UBXN2A: variants seen among roughly 807,000 people sequenced by gnomAD.
UBXN2A encodes UBX domain-containing protein 2A.
UBXN2A carries 28 observed loss-of-function variants against 28.4 expected under a neutral mutation model. That is an observed-to-expected ratio of 0.99 (90% confidence interval 0.73 to 1.35). The LOEUF (loss-of-function observed/expected upper bound fraction) is 1.35. Ranked by LOEUF, UBXN2A falls within the 40% of genes most tolerant of loss-of-function variation. UBXN2A has a pLI of 0.00. For missense variants in UBXN2A, 253 were observed against 297.9 expected (o/e 0.85, Z 1.11); for synonymous variants, 97 against 103.6 (o/e 0.94, Z 0.39).
intron 4 of UBXN2A, among the ~76,000 whole-genome samples, chr2:23,981,854 C>G (rs1318321727): frequency 6.6e-6 from 1 of 152,088 alleles, no homozygotes; most frequent in Non-Finnish European, 1.5e-5. Flanking sequence ...CACCACTGCA[C>G]TCCAGCCTGG....
intron 2 of UBXN2A, among the ~76,000 whole-genome samples, chr2:23,968,712 G>C (rs1054156698): frequency 6.7e-6 from 1 of 150,258 alleles, no homozygotes; most frequent in African/African-American, 2.4e-5. Flanking sequence ...TATATTTCCT[G>C]GCACAGTATA....
At chr2:23,988,572 A>G (rs1304663625) in intron 6 of UBXN2A, among the ~76,000 whole-genome samples, 1 of 152,212 alleles carries the variant, frequency 6.6e-6, no homozygotes, top group Non-Finnish European at 1.5e-5. Flanking sequence ...GTATTCCAAC[A>G]GGTGGCATCA....
At chr2:23,978,445 C>A (rs1230078627) in intron 4 of UBXN2A, among the ~76,000 whole-genome samples, 2 of 151,834 alleles carry the variant, frequency 1.3e-5, no homozygotes, top group African/African-American at 4.8e-5. Flanking sequence ...AGATCGAGAC[C>A]ATCCTGGCTA....
At chr2:23,980,134 C>T (rs902310160) in intron 4 of UBXN2A, among the ~76,000 whole-genome samples, 3 of 152,156 alleles carry the variant, frequency 2.0e-5, no homozygotes, top group Non-Finnish European at 4.4e-5. Flanking sequence ...CCATTTTCCC[C>T]TGCAGCCCTA....
chr2:23,962,043 C>T (rs769479259), intron 2 of UBXN2A, among the ~76,000 whole-genome samples: 43 of 152,020 alleles, frequency 2.8e-4, no homozygotes, highest in Non-Finnish European at 5.9e-4. Context: ...TGGGGTTTCA[C>T]CATGTTGTCC....
At chr2:23,962,856 C>T (rs964222696) in intron 2 of UBXN2A, among the ~76,000 whole-genome samples, 2 of 152,040 alleles carry the variant, frequency 1.3e-5, no homozygotes, top group South Asian at 2.1e-4. Context: ...GTGATCCACC[C>T]GCCTTGGCAT....
chr2:23,991,045 T>G (rs1708333862), intron 6 of UBXN2A, among the ~76,000 whole-genome samples: 1 of 152,202 alleles, frequency 6.6e-6, no homozygotes, highest in Non-Finnish European at 1.5e-5. Flanking sequence ...ATTTCTGAAA[T>G]AGATGCCTCC....
chr2:23,981,249 A>T (rs1377474170), intron 4 of UBXN2A, among the ~76,000 whole-genome samples: 1 of 145,072 alleles, frequency 6.9e-6, no homozygotes, highest in Non-Finnish European at 1.5e-5. Context: ...CAGGAGGATC[A>T]TTTGATCCCA....
At chr2:23,981,686 G>A (rs940333074) in intron 4 of UBXN2A, among the ~76,000 whole-genome samples, 1 of 151,476 alleles carries the variant, frequency 6.6e-6, no homozygotes, top group Non-Finnish European at 1.5e-5. Flanking sequence ...TTGAGCCTAG[G>A]AGCTCAGGAC....
At chr2:23,952,778 T>C (rs1706437524) in intron 1 of UBXN2A, among the ~76,000 whole-genome samples, 1 of 152,138 alleles carries the variant, frequency 6.6e-6, no homozygotes, top group African/African-American at 2.4e-5. Flanking sequence ...GGGGTCTGGC[T>C]ATGTTGCCCA....
intron 6 of UBXN2A, among the ~76,000 whole-genome samples, chr2:23,992,869 A>G (rs1708402435): frequency 6.6e-6 from 1 of 152,212 alleles, no homozygotes; most frequent in East Asian, 1.9e-4. Flanking sequence ...GTGTGTATTT[A>G]AAACTATCTC....
At chr2:23,948,202 G>A (rs1286100917) in intron 1 of UBXN2A, among the ~76,000 whole-genome samples, 2 of 150,696 alleles carry the variant, frequency 1.3e-5, no homozygotes, top group Admixed American at 6.6e-5. Context: ...TCATAATCAT[G>A]TCAAAATTAG....
intron 3 of UBXN2A, 101 bp from the exon 4 acceptor site, chr2:23,976,868 A>C: frequency 1.1e-6 from 1 of 934,878 alleles, no homozygotes; most frequent in South Asian, 1.6e-5. Context: ...GGAGTGAACC[A>C]CCCCACCCGG....
At chr2:23,975,947 C>A (rs1707644569) in intron 3 of UBXN2A, among the ~76,000 whole-genome samples, 1 of 152,196 alleles carries the variant, frequency 6.6e-6, no homozygotes, top group African/African-American at 2.4e-5. Context: ...CCAGAGGCAA[C>A]AGCTTATAAC....
intron 1 of UBXN2A, among the ~76,000 whole-genome samples, chr2:23,942,176 A>G (rs1247546595): frequency 6.6e-6 from 1 of 152,212 alleles, no homozygotes; most frequent in Non-Finnish European, 1.5e-5. Context: ...AGAGAAGGTA[A>G]CAGGGGGACT....
intron 4 of UBXN2A, among the ~76,000 whole-genome samples, chr2:23,979,928 G>GT (rs1281066404): frequency 6.7e-6 from 1 of 149,216 alleles, no homozygotes; most frequent in Non-Finnish European, 1.5e-5. Flanking sequence ...TTTTATTTAT[G>GT]TAAAAAAAAA....
chr2:23,992,262 G>A (rs1232872798), intron 6 of UBXN2A, among the ~76,000 whole-genome samples: 4 of 151,796 alleles, frequency 2.6e-5, no homozygotes, highest in Non-Finnish European at 4.4e-5. Flanking sequence ...GAGCCACCGC[G>A]CCCAGCCTAA....
chr2:23,953,646 A>G lies in UBXN2A; in HGVS notation c.-14-4655A>G, dbSNP rs751236841. Among the ~76,000 whole-genome samples the G allele has an allele frequency of 7.2e-5, 11 of 152,324 alleles. 1 individual carries two copies. Among genetic ancestry groups the G allele is most frequent in the African/African-American group, 2.6e-4 (11 of 41,578 alleles). ...GGTCCATACATTGTAATACATTGAT[A>G]TATTTCTGAAATATTTAAAGAATCT... On this transcript the variant is annotated intron_variant, in intron 1 of 6. Coordinates refer to ENST00000309033, the MANE Select transcript of UBXN2A (RefSeq NM_181713.4).
At chr2:23,934,564 C>T (rs966306976) in intron 1 of UBXN2A, among the ~76,000 whole-genome samples, 10 of 152,196 alleles carry the variant, frequency 6.6e-5, no homozygotes, top group African/African-American at 2.4e-4. Context: ...TGCCACCCAT[C>T]GTCCTTCTAT....
Sources: allele counts gnomAD v4.1 joint callset (sites outside exome capture counted in the v4.1 genomes callset), GRCh38; gene constraint gnomAD v4.1.1; transcripts MANE v1.5; gene names NCBI Gene and HGNC (gene_info 2026-07-23, HGNC 2026-07-21).